ADORA2B: variants seen among roughly 807,000 people sequenced by gnomAD.
The protein encoded by ADORA2B is adenosine receptor A2b.
ADORA2B carries 18 observed loss-of-function variants against 20.8 expected under a neutral mutation model. The ratio of observed to expected loss-of-function variants is 0.87; its 90% confidence interval spans 0.60 to 1.29. The LOEUF (loss-of-function observed/expected upper bound fraction) is 1.29, where lower values mean the gene tolerates loss of function less well. Among genes scored for constraint, ADORA2B ranks in the 50% most tolerant of loss-of-function variants. The pLI is 0.00. For synonymous variants in ADORA2B, 179 were observed against 178.3 expected (o/e 1.00, Z -0.03); for missense variants, 441 against 422.7 (o/e 1.04, Z -0.38).
intron 1 of ADORA2B, among the ~76,000 whole-genome samples, chr17:15,949,294 G>A (rs568352802): frequency 6.9e-4 from 105 of 151,972 alleles, no homozygotes; most frequent in African/African-American, 2.4e-3. Flanking sequence ...GAATAGATCA[G>A]TTGAGGCTAG....
the ADORA2B span, among the ~76,000 whole-genome samples, chr17:15,874,507 A>G: frequency 6.6e-6 from 1 of 151,760 alleles, no homozygotes; most frequent in African/African-American, 2.4e-5. Flanking sequence ...GGGCAACATC[A>G]TGAGACCCTG....
At chr17:15,950,347 C>T (rs1237310981) in intron 1 of ADORA2B, among the ~76,000 whole-genome samples, 1 of 152,140 alleles carries the variant, frequency 6.6e-6, no homozygotes, top group Admixed American at 6.5e-5. Context: ...TGTTTTAAGC[C>T]ACTAGGTTTG....
the ADORA2B span, among the ~76,000 whole-genome samples, chr17:15,882,305 C>G: frequency 6.6e-6 from 1 of 152,174 alleles, no homozygotes; most frequent in African/African-American, 2.4e-5. Context: ...ACTCAGCCAC[C>G]CTGCAGGCTA....
At position 15,956,526 on chromosome 17, in the gene ADORA2B, T is replaced by C. The variant is rs144266889; in HGVS notation, c.335+10943T>C. Among the ~76,000 whole-genome samples the C allele has an allele frequency of 2.0e-5, 3 of 151,410 alleles. No homozygotes were observed. In the East Asian group the frequency reaches 5.8e-4, roughly 30 times the overall value. On this transcript the variant is annotated intron_variant, in intron 1 of 1. Coordinates refer to ENST00000304222, the MANE Select transcript of ADORA2B (RefSeq NM_000676.4). ...CTGTCCACCTTCTGTTTTTAGAAAC[T>C]CATAAAAATCTCCGGTTTGCTGATA...
chr17:15,930,147 C>T, the ADORA2B span, among the ~76,000 whole-genome samples: 2 of 152,150 alleles, frequency 1.3e-5, no homozygotes, highest in South Asian at 2.1e-4. Context: ...GAGGAAGAAT[C>T]GGGGCTGTGG....
the ADORA2B span, among the ~76,000 whole-genome samples, chr17:15,887,451 G>A: frequency 7.6e-6 from 1 of 130,984 alleles, no homozygotes; most frequent in East Asian, 2.0e-4. Flanking sequence ...AAAGTTTAAA[G>A]AAAGAGTGCT....
the ADORA2B span, among the ~76,000 whole-genome samples, chr17:15,927,748 G>T: frequency 3.3e-5 from 5 of 152,194 alleles, no homozygotes; most frequent in Non-Finnish European, 4.4e-5. Context: ...AGAGCAGATG[G>T]AGCGGCTGTG....
chr17:15,899,314 A>G, the ADORA2B span, among the ~76,000 whole-genome samples: 1 of 152,234 alleles, frequency 6.6e-6, no homozygotes, highest in Admixed American at 6.5e-5. Flanking sequence ...GTAGTAATCC[A>G]TAAATCTTCC....
At position 15,975,447 on chromosome 17, in the gene ADORA2B, A is replaced by G. The variant is rs531712358; in HGVS notation, c.*105A>G. 2.4e-6 allele frequency: 3 copies of G among 1,252,318 alleles called. No individual in the cohort carries two copies. The highest frequency in any genetic ancestry group is 2.9e-5 in the South Asian group (2 of 69,854). 77.6% of individuals were successfully genotyped at this position (1,252,318 alleles called of 1,614,324 possible). A position where few individuals can be genotyped will look rare whatever the true frequency, so the allele number is the denominator to read the frequency against. On this transcript the variant is annotated 3_prime_UTR_variant, in exon 2 of 2. Coordinates refer to ENST00000304222, the MANE Select transcript of ADORA2B (RefSeq NM_000676.4). Reference sequence around the variant, plus strand: ...ATAGCTACACCTCACAAGGAAATGGACTGCCTCTCTTGAGCACTTCCCTGG... The same window carrying G: ...ATAGCTACACCTCACAAGGAAATGGGCTGCCTCTCTTGAGCACTTCCCTGG...
At chr17:15,954,524 C>T (rs1969943518) in intron 1 of ADORA2B, among the ~76,000 whole-genome samples, 1 of 152,174 alleles carries the variant, frequency 6.6e-6, no homozygotes, top group Non-Finnish European at 1.5e-5. Context: ...CCAGCATTTC[C>T]TGCATTCCAT....
chr17:15,868,548 G>A, the ADORA2B span, among the ~76,000 whole-genome samples: 4 of 136,964 alleles, frequency 2.9e-5, 2 homozygotes, highest in Admixed American at 1.5e-4. Flanking sequence ...CGAGGCGGGC[G>A]GATAACAAGG....
At chr17:15,966,002 G>A (rs1183959400) in intron 1 of ADORA2B, among the ~76,000 whole-genome samples, 2 of 152,250 alleles carry the variant, frequency 1.3e-5, no homozygotes, top group African/African-American at 4.8e-5. Flanking sequence ...GATTTTGTTA[G>A]TGCTCTAGTG....
the ADORA2B span, among the ~76,000 whole-genome samples, chr17:15,904,309 T>A: frequency 3.3e-5 from 5 of 151,810 alleles, no homozygotes; most frequent in Admixed American, 3.3e-4. Context: ...GATATTTTAC[T>A]GTTGTCTGTA....
chr17:15,908,114 G>A, the ADORA2B span, among the ~76,000 whole-genome samples: 1 of 151,824 alleles, frequency 6.6e-6, no homozygotes, highest in Admixed American at 6.6e-5. Flanking sequence ...GACTTGCTCT[G>A]TCCACCCAGA....
the ADORA2B span, among the ~76,000 whole-genome samples, chr17:15,882,829 T>A: frequency 1.3e-5 from 2 of 152,232 alleles, no homozygotes; most frequent in African/African-American, 4.8e-5. Flanking sequence ...ATGGGCCGTT[T>A]GTCTCAGGTT....
At chr17:15,946,671 G>A (rs1969810826) in intron 1 of ADORA2B, among the ~76,000 whole-genome samples, 1 of 152,206 alleles carries the variant, frequency 6.6e-6, no homozygotes, top group Non-Finnish European at 1.5e-5. Flanking sequence ...ACCAGAGGAC[G>A]GGTGCTGTAA....
the ADORA2B span, among the ~76,000 whole-genome samples, chr17:15,921,143 T>C: frequency 9.2e-5 from 14 of 151,550 alleles, no homozygotes; most frequent in East Asian, 2.3e-3. Context: ...TCTCCCCTGC[T>C]TCAGACAGTC....
At chr17:15,932,927 A>G in the ADORA2B span, among the ~76,000 whole-genome samples, 1 of 152,086 alleles carries the variant, frequency 6.6e-6, no homozygotes, top group East Asian at 1.9e-4. Context: ...AATAAAGGGA[A>G]AAAAAGGAGG....
chr17:15,904,054 T>G, the ADORA2B span, among the ~76,000 whole-genome samples: 1 of 152,118 alleles, frequency 6.6e-6, no homozygotes, highest in Non-Finnish European at 1.5e-5. Flanking sequence ...TATATAATTT[T>G]TAGATATTTT....
Sources: gnomAD v4.1 joint callset for allele counts (sites outside exome capture counted in the v4.1 genomes callset) on GRCh38, gnomAD v4.1.1 for gene constraint, MANE v1.5 for transcripts, NCBI Gene and HGNC (gene_info 2026-07-23, HGNC 2026-07-21) for gene names.